The following NF1 variants were observed in gnomAD, a reference collection of about 807,000 sequenced individuals.
NF1 encodes the protein neurofibromin.
A neutral mutation model predicts 325.7 loss-of-function variants in NF1; 122 were observed. That is an observed-to-expected ratio of 0.37 (90% CI 0.32 to 0.44). The LOEUF is 0.44. Among genes scored for constraint, NF1 ranks in the 20% least tolerant of loss-of-function variants. The pLI is 1.00. For synonymous variants in NF1, 1,091 were observed against 1,186.0 expected (o/e 0.92, Z 1.65); for missense variants, 2,140 against 3,415.4 (o/e 0.63, Z 9.31).
At chr17:31,231,499 A>G (rs1196108576) in intron 24 of NF1, among the ~76,000 whole-genome samples, 1 of 152,104 alleles carries the variant, frequency 6.6e-6, no homozygotes, top group Non-Finnish European at 1.5e-5. Flanking sequence ...CCCTGCCCAC[A>G]TCTTACTCCC....
chr17:31,261,570 A>C (rs1413055165), intron 34 of NF1, 141 bp from the exon 35 acceptor site: 4 of 805,784 alleles, frequency 5.0e-6, no homozygotes, highest in Non-Finnish European at 8.5e-6. Context: ...GGATTGAAGT[A>C]GACATGGTCC....
chr17:31,177,660 T>A lies in NF1; in HGVS notation c.587-3762T>A, dbSNP rs149155228. 9.5e-3 allele frequency among the ~76,000 whole-genome samples: 1,438 copies of A among 151,972 alleles called. 22 individuals carry two copies. The highest frequency in any genetic ancestry group is 0.033 in the African/African-American group (1,354 of 41,434). ...GAATTGCTGACTAGAATAACCATCTTAGAGAAGAACATAAATGACCTGATG... is the reference window on the plus strand; with the variant it reads ...GAATTGCTGACTAGAATAACCATCTAAGAGAAGAACATAAATGACCTGATG... On this transcript the variant is annotated intron_variant, in intron 5 of 57. Coordinates refer to ENST00000358273, the MANE Select transcript of NF1 (RefSeq NM_001042492.3).
Position 31,230,248 on chromosome 17 carries a change from A to G in NF1, c.2991-12A>G, listed in dbSNP as rs760838737. On this transcript the variant is annotated splice_polypyrimidine_tract_variant and intron_variant, in intron 22 of 57. Coordinates refer to ENST00000358273, the MANE Select transcript of NF1 (RefSeq NM_001042492.3). The stretch of plus-strand genomic sequence containing the variant: ...ATCTGATAATTTTTTTATTGTTTCT[A>G]TGTCTATATAGGTATGTTCGTGTGC... 12 of 1,610,386 alleles carry G rather than the reference A, an allele frequency of 7.5e-6. No individual in the cohort carries two copies. The South Asian group carries it at 7.7e-5, about 10-fold the overall frequency.
intron 1 of NF1, among the ~76,000 whole-genome samples, chr17:31,124,822 C>T (rs752745114): frequency 6.6e-6 from 1 of 150,966 alleles, no homozygotes; most frequent in African/African-American, 2.4e-5. Flanking sequence ...AGGATGGTCT[C>T]GATCTCCTGG....
intron 8 of NF1, among the ~76,000 whole-genome samples, chr17:31,185,768 T>A (rs2952985): frequency 0.56 from 85,843 of 152,036 alleles, 26,713 homozygotes; most frequent in Middle Eastern, 0.79. Flanking sequence ...AGGTCCAGGC[T>A]GCTGTGCAAG....
intron 4 of NF1, among the ~76,000 whole-genome samples, chr17:31,165,434 A>G (rs2143685039): frequency 6.6e-6 from 1 of 152,332 alleles, no homozygotes; most frequent in African/African-American, 2.4e-5. Context: ...AAAGACCATT[A>G]TGATGGTTTA....
At chr17:31,151,016 C>T (rs943151266) in intron 1 of NF1, among the ~76,000 whole-genome samples, 8 of 146,698 alleles carry the variant, frequency 5.5e-5, no homozygotes, top group African/African-American at 1.8e-4. Flanking sequence ...GCCTGGGTGA[C>T]AGAGCAAGGC....
intron 36 of NF1, among the ~76,000 whole-genome samples, chr17:31,323,259 A>G (rs562009620): frequency 1.6e-4 from 24 of 152,074 alleles, no homozygotes; most frequent in East Asian, 7.7e-4. Flanking sequence ...AACAAAAACA[A>G]AAAACTAGCC....
At chr17:31,105,108 C>T (rs1435581898) in intron 1 of NF1, among the ~76,000 whole-genome samples, 1 of 152,108 alleles carries the variant, frequency 6.6e-6, no homozygotes, top group Non-Finnish European at 1.5e-5. Context: ...TTATGTTGCC[C>T]AGGCTGGTCT....
At chr17:31,350,485 G>A (rs944413913) in intron 50 of NF1, among the ~76,000 whole-genome samples, 167 bp downstream of exon 50, 1 of 152,148 alleles carries the variant, frequency 6.6e-6, no homozygotes, top group Non-Finnish European at 1.5e-5. Context: ...TATTTTATGT[G>A]GGTTAGTAGG....
chr17:31,296,214 C>G, intron 36 of NF1: 3 of 1,614,074 alleles, frequency 1.9e-6, no homozygotes, highest in Non-Finnish European at 2.5e-6. Flanking sequence ...CCTGAACAGT[C>G]CACATGCCTG....
intron 51 of NF1, among the ~76,000 whole-genome samples, chr17:31,354,644 C>T (rs1458536034): frequency 2.0e-5 from 3 of 151,880 alleles, no homozygotes; most frequent in East Asian, 3.8e-4. Context: ...ATATAGCAGT[C>T]CAAGCAAAAA....
At chr17:31,169,534 C>T (rs534487602) in intron 4 of NF1, among the ~76,000 whole-genome samples, 3 of 151,888 alleles carry the variant, frequency 2.0e-5, no homozygotes, top group Non-Finnish European at 2.9e-5. Flanking sequence ...TAGGGATACC[C>T]GAAGACTTTT....
chr17:31,334,774 T>A (rs1395093882), intron 39 of NF1, 64 bp from the exon 40 acceptor site: 2 of 1,309,150 alleles, frequency 1.5e-6, no homozygotes, highest in Middle Eastern at 2.0e-4. Context: ...GAATTCTTTA[T>A]GTTAAATAAT....
chr17:31,356,764 CAT>C, intron 52 of NF1, 182 bp downstream of exon 52: 8 of 1,136,916 alleles, frequency 7.0e-6, no homozygotes. Flanking sequence ...AAAAATTAAT[CAT>C]ATATATTATA....
intron 47 of NF1, among the ~76,000 whole-genome samples, chr17:31,341,350 C>A (rs1212353047): frequency 6.6e-6 from 1 of 151,904 alleles, no homozygotes; most frequent in Non-Finnish European, 1.5e-5. Context: ...CTTGCAAAAC[C>A]CCATCTCTAC....
chr17:31,299,820 G>C (rs2068538269), intron 36 of NF1, among the ~76,000 whole-genome samples: 7 of 151,918 alleles, frequency 4.6e-5, no homozygotes, highest in Admixed American at 4.6e-4. Context: ...TTATGCCACT[G>C]GCTTGTTGCC....
intron 5 of NF1, among the ~76,000 whole-genome samples, chr17:31,178,263 A>C (rs2143755969): frequency 6.6e-6 from 1 of 152,338 alleles, no homozygotes; most frequent in South Asian, 2.1e-4. Context: ...ATATCCAGGC[A>C]AACTAAGCTT....
chr17:31,117,212 C>T (rs578260214), intron 1 of NF1, among the ~76,000 whole-genome samples: 9 of 150,132 alleles, frequency 6.0e-5, no homozygotes, highest in Admixed American at 5.3e-4. Context: ...AACTCCTGAC[C>T]TCAGTTGATC....
Sources: allele counts gnomAD v4.1 joint callset (sites outside exome capture counted in the v4.1 genomes callset), GRCh38; gene constraint gnomAD v4.1.1; transcripts MANE v1.5; gene names NCBI Gene and HGNC (gene_info 2026-07-23, HGNC 2026-07-21).